ROBO1: variants seen among roughly 807,000 people sequenced by gnomAD.
ROBO1 encodes roundabout guidance receptor 1, also known as roundabout homolog 1.
Under a neutral mutation model 195.9 loss-of-function variants are expected in ROBO1, and 149 were observed. That is an observed-to-expected ratio of 0.76 (90% CI 0.67 to 0.87). The LOEUF is 0.87. Among genes scored for constraint, ROBO1 ranks in the 40% least tolerant of loss-of-function variants. ROBO1 has a pLI of 0.00. For missense variants in ROBO1, 1,933 were observed against 2,068.3 expected, an observed-to-expected ratio of 0.93 and a Z score of 1.27; for synonymous variants, 816 against 733.2, an observed-to-expected ratio of 1.11 and a Z score of -1.82.
At chr3:78,718,242 AAATTCTT>A (rs2081951873) in intron 5 of ROBO1, among the ~76,000 whole-genome samples, 1 of 152,224 alleles carries the variant, frequency 6.6e-6, no homozygotes, top group Admixed American at 6.5e-5. Flanking sequence ...GAGAAAAAGA[AAATTCTT>A]AATACCATAT....
intron 4 of ROBO1, among the ~76,000 whole-genome samples, chr3:78,916,615 T>C (rs2038613677): frequency 6.6e-6 from 1 of 152,064 alleles, no homozygotes; most frequent in Admixed American, 6.6e-5. Flanking sequence ...TTTTTATTTA[T>C]GTAATCTTTT....
At position 79,650,667 on chromosome 3, in the gene ROBO1, G is replaced by A. The variant is rs1018347069; in HGVS notation, c.-50-60706C>T. Among the ~76,000 whole-genome samples, 4 of 151,718 alleles carry A rather than the reference G, an allele frequency of 2.6e-5. No homozygotes were observed. In the East Asian group the frequency reaches 7.8e-4, roughly 29 times the overall value. Reference sequence around the variant, plus strand: ...TAAATTCTAATACATTTTAGGAATAGAATACCATAAATAATGAAATAAATT... The same window carrying A: ...TAAATTCTAATACATTTTAGGAATAAAATACCATAAATAATGAAATAAATT... On this transcript the variant is annotated intron_variant, in intron 1 of 30. Transcript: ENST00000464233.
At chr3:79,233,239 T>C (rs1163276373) in intron 2 of ROBO1, among the ~76,000 whole-genome samples, 1 of 152,010 alleles carries the variant, frequency 6.6e-6, no homozygotes, top group Non-Finnish European at 1.5e-5. Flanking sequence ...GGCTGAAATA[T>C]GAAGTTTATA....
chr3:79,398,957 T>C (rs2037256878), intron 2 of ROBO1, among the ~76,000 whole-genome samples: 1 of 152,022 alleles, frequency 6.6e-6, no homozygotes, highest in Admixed American at 6.6e-5. Flanking sequence ...CAAATTTTCT[T>C]CCTTTTGAGG....
intron 2 of ROBO1, among the ~76,000 whole-genome samples, chr3:79,145,915 A>G (rs2080639111): frequency 6.6e-6 from 1 of 152,012 alleles, no homozygotes; most frequent in African/African-American, 2.4e-5. Context: ...GGATAATTCT[A>G]CTGTAGATGA....
At chr3:79,067,952 A>T (rs1412226532) in intron 3 of ROBO1, among the ~76,000 whole-genome samples, 1 of 151,844 alleles carries the variant, frequency 6.6e-6, no homozygotes. Context: ...TGTTGGCCAC[A>T]GGTTTTGTTT....
intron 3 of ROBO1, among the ~76,000 whole-genome samples, chr3:79,119,728 G>GA (rs1160221228): frequency 6.6e-6 from 1 of 151,626 alleles, no homozygotes; most frequent in African/African-American, 2.4e-5. Context: ...AGAAGCTAAT[G>GA]ATGGGGCCAC....
intron 3 of ROBO1, among the ~76,000 whole-genome samples, chr3:78,969,792 C>G (rs1386878488): frequency 6.6e-6 from 1 of 152,160 alleles, no homozygotes; most frequent in Non-Finnish European, 1.5e-5. Flanking sequence ...CATATGGACA[C>G]AAACTTAATT....
intron 2 of ROBO1, among the ~76,000 whole-genome samples, chr3:79,468,175 T>C (rs1050353179): frequency 6.6e-5 from 10 of 152,224 alleles, no homozygotes; most frequent in Non-Finnish European, 2.9e-5. Flanking sequence ...AAAAGTTCCA[T>C]GAAAATAAGT....
At chr3:79,272,964 G>A (rs1025067776) in intron 2 of ROBO1, among the ~76,000 whole-genome samples, 1 of 152,104 alleles carries the variant, frequency 6.6e-6, no homozygotes, top group African/African-American at 2.4e-5. Flanking sequence ...CATGTTTAAA[G>A]TGCTGAAGGA....
intron 4 of ROBO1, among the ~76,000 whole-genome samples, chr3:78,760,045 C>A (rs972666215): frequency 2.6e-5 from 4 of 152,034 alleles, no homozygotes. Flanking sequence ...GAGTGGTTTC[C>A]CCCATGCTGT....
At chr3:79,579,330 A>G (rs1214238397) in intron 2 of ROBO1, among the ~76,000 whole-genome samples, 2 of 152,000 alleles carry the variant, frequency 1.3e-5, no homozygotes, top group Non-Finnish European at 2.9e-5. Flanking sequence ...TTGTGAAGGA[A>G]ATATTTATTG....
chr3:79,666,523 A>G (rs1946479851), intron 1 of ROBO1, among the ~76,000 whole-genome samples: 1 of 151,872 alleles, frequency 6.6e-6, no homozygotes, highest in Admixed American at 6.6e-5. Flanking sequence ...AGTGGAGATG[A>G]TTGAATCGTG....
rs549448737 is a variant in ROBO1, at chr3:78,880,190, AAAACTTT to A, written c.499+58404_499+58410del. Among the ~76,000 whole-genome samples, 11 of 152,294 alleles carry A rather than the reference AAAACTTT, an allele frequency of 7.2e-5. No individual in the cohort carries two copies. In the South Asian group the frequency reaches 1.4e-3, roughly 20 times the overall value. Reference sequence around the variant, plus strand: ...TAAATTCCAATAAAATTAGCATGCTAAAACTTTAAACTTTAAAGACCATGTAATTTAA... The same window carrying A: ...TAAATTCCAATAAAATTAGCATGCTAAAACTTTAAAGACCATGTAATTTAA... On this transcript the variant is annotated intron_variant, in intron 4 of 30. Transcript: ENST00000464233.
chr3:79,354,247 C>G (rs1184815146), intron 2 of ROBO1, among the ~76,000 whole-genome samples: 1 of 152,124 alleles, frequency 6.6e-6, no homozygotes, highest in African/African-American at 2.4e-5. Flanking sequence ...TAACGCTAAC[C>G]ACAACCCTAT....
At chr3:79,159,368 A>T (rs1311764805) in intron 2 of ROBO1, among the ~76,000 whole-genome samples, 1 of 152,038 alleles carries the variant, frequency 6.6e-6, no homozygotes, top group Admixed American at 6.6e-5. Context: ...CTATCATTTA[A>T]TAAAGTTTGT....
In ROBO1 at chr3:79,296,098, G is replaced by A. The variant is rs1189209758; in HGVS notation, c.89-170559C>T. ...CAACTAAACATCTAATCTGCTTTCG[G>A]GCAATCCAGTTGAAGAATGGAATTA... On this transcript the variant is annotated intron_variant, in intron 2 of 30. Transcript: ENST00000464233. 2.6e-5 allele frequency among the ~76,000 whole-genome samples: 4 copies of A among 152,146 alleles called. No individual in the cohort carries two copies. The East Asian group carries it at 7.7e-4, about 29-fold the overall frequency.
intron 30 of ROBO1, 111 bp downstream of exon 30, chr3:78,600,002 C>A (rs771195268): frequency 1.1e-6 from 1 of 882,374 alleles, no homozygotes; most frequent in South Asian, 1.4e-5. Flanking sequence ...CATTAGAGTA[C>A]TGAAAAGTTT....
intron 2 of ROBO1, among the ~76,000 whole-genome samples, chr3:79,292,541 G>T (rs2032316840): frequency 6.6e-6 from 1 of 152,164 alleles, no homozygotes; most frequent in Non-Finnish European, 1.5e-5. Flanking sequence ...ATTATTTAGA[G>T]ATATGTTCCA....
Sources: allele counts gnomAD v4.1 joint callset (sites outside exome capture counted in the v4.1 genomes callset), GRCh38; gene constraint gnomAD v4.1.1; transcripts MANE v1.5; gene names NCBI Gene and HGNC (gene_info 2026-07-23, HGNC 2026-07-21).